The following CPA6 variants were observed in gnomAD, a reference collection of about 807,000 sequenced individuals.
CPA6 encodes the protein carboxypeptidase B.
A neutral mutation model predicts 63.3 loss-of-function variants in CPA6; 58 were observed. The ratio of observed to expected loss-of-function variants is 0.92; its 90% confidence interval spans 0.74 to 1.14. The LOEUF is 1.14. CPA6 is among the 50% of genes most tolerant of loss of function. The probability of loss-of-function intolerance (pLI) is 0.00; values close to 1 mark genes in which losing one functional copy is unlikely to be tolerated. For synonymous variants in CPA6, 185 were observed against 179.0 expected (o/e 1.03, Z -0.27); for missense variants, 565 against 526.6 (o/e 1.07, Z -0.71).
intron 1 of CPA6, among the ~76,000 whole-genome samples, chr8:67,711,466 T>C (rs1019283208): frequency 1.3e-5 from 2 of 152,184 alleles, no homozygotes; most frequent in African/African-American, 4.8e-5. Flanking sequence ...AGGGCCCTAT[T>C]TGGGCTGGTG....
intron 1 of CPA6, among the ~76,000 whole-genome samples, chr8:67,666,947 A>G (rs1387204763): frequency 1.3e-5 from 2 of 152,170 alleles, no homozygotes; most frequent in African/African-American, 4.8e-5. Flanking sequence ...AAAACCTGCT[A>G]TGCACAAGGT....
At chr8:67,741,069 G>GA (rs1350391352) in intron 1 of CPA6, among the ~76,000 whole-genome samples, 3 of 151,980 alleles carry the variant, frequency 2.0e-5, no homozygotes, top group East Asian at 3.9e-4. Context: ...ATGGTCATGG[G>GA]AAAAAAGGAT....
At chr8:67,562,595 A>G (rs1263331825) in intron 2 of CPA6, among the ~76,000 whole-genome samples, 2 of 152,202 alleles carry the variant, frequency 1.3e-5, no homozygotes, top group African/African-American at 4.8e-5. Flanking sequence ...TGATGGTATT[A>G]GGAGGTGAGG....
chr8:67,573,105 T>A (rs559314810), intron 2 of CPA6, among the ~76,000 whole-genome samples: 4 of 152,258 alleles, frequency 2.6e-5, no homozygotes, highest in Admixed American at 2.6e-4. Context: ...ACAAATTAGG[T>A]ATAGATAAAA....
chr8:67,665,912 T>A (rs892577735), intron 1 of CPA6, among the ~76,000 whole-genome samples: 4 of 152,234 alleles, frequency 2.6e-5, no homozygotes, highest in African/African-American at 9.6e-5. Flanking sequence ...AAAGGTTTAG[T>A]GCAGTTCCTG....
At chr8:67,702,198 G>A (rs1817040036) in intron 1 of CPA6, among the ~76,000 whole-genome samples, 1 of 151,966 alleles carries the variant, frequency 6.6e-6, no homozygotes, top group Admixed American at 6.5e-5. Context: ...CTGCATGCAT[G>A]TTTGTTATCT....
chr8:67,723,808 C>T (rs1817548263), intron 1 of CPA6, among the ~76,000 whole-genome samples: 1 of 152,038 alleles, frequency 6.6e-6, no homozygotes, highest in South Asian at 2.1e-4. Flanking sequence ...GCAAAATCAG[C>T]AGGAAAACAA....
chr8:67,444,956 A>G (rs552969612), intron 8 of CPA6, among the ~76,000 whole-genome samples: 23 of 152,160 alleles, frequency 1.5e-4, no homozygotes, highest in Non-Finnish European at 2.9e-4. Flanking sequence ...TTGATGTTTC[A>G]AGGAGAGTGT....
intron 2 of CPA6, among the ~76,000 whole-genome samples, chr8:67,594,912 A>G (rs1455300879): frequency 1.3e-5 from 2 of 152,102 alleles, no homozygotes; most frequent in African/African-American, 4.8e-5. Flanking sequence ...GCTTTGCTCC[A>G]TTGCTGGTGA....
chr8:67,459,095 T>C (rs62513764), intron 8 of CPA6, among the ~76,000 whole-genome samples: 3,492 of 152,354 alleles, frequency 0.023, 57 homozygotes, highest in Middle Eastern at 0.044. Context: ...CATGGACACA[T>C]GGATGTTTAC....
At chr8:67,588,367 T>C (rs550271767) in intron 2 of CPA6, among the ~76,000 whole-genome samples, 31 of 152,144 alleles carry the variant, frequency 2.0e-4, no homozygotes, top group Non-Finnish European at 4.1e-4. Flanking sequence ...GGCCTAGAAT[T>C]ATTGGGGTAA....
intron 1 of CPA6, among the ~76,000 whole-genome samples, chr8:67,723,512 G>T (rs754101917): frequency 1.3e-5 from 2 of 152,122 alleles, no homozygotes; most frequent in African/African-American, 2.4e-5. Flanking sequence ...TTTCCGAAGA[G>T]GTTATAACAA....
chr8:67,706,249 A>G (rs1031509135), intron 1 of CPA6, among the ~76,000 whole-genome samples: 1 of 152,264 alleles, frequency 6.6e-6, no homozygotes, highest in Non-Finnish European at 1.5e-5. Flanking sequence ...GACTGTGGAC[A>G]TACACAGTTT....
intron 8 of CPA6, among the ~76,000 whole-genome samples, chr8:67,451,938 T>C (rs1810566008): frequency 1.3e-5 from 2 of 152,238 alleles, no homozygotes; most frequent in Admixed American, 1.3e-4. Context: ...TCTTTGTATA[T>C]GGGCAATAAG....
chr8:67,462,907 G>A (rs1292755517), intron 8 of CPA6, among the ~76,000 whole-genome samples: 1 of 152,136 alleles, frequency 6.6e-6, no homozygotes, highest in African/African-American at 2.4e-5. Context: ...TTTGTAGAAT[G>A]ACTCCTGTGG....
intron 1 of CPA6, among the ~76,000 whole-genome samples, chr8:67,675,232 A>G (rs1247878963): frequency 6.6e-6 from 1 of 152,122 alleles, no homozygotes; most frequent in African/African-American, 2.4e-5. Flanking sequence ...ATACAACCAT[A>G]GCAGTACTGG....
chr8:67,609,534 T>A (rs1425779548), intron 2 of CPA6, among the ~76,000 whole-genome samples: 1 of 152,228 alleles, frequency 6.6e-6, no homozygotes, highest in Non-Finnish European at 1.5e-5. Flanking sequence ...TGACCAACCT[T>A]GTCCAAGTGG....
At chr8:67,710,027 C>A (rs184141593) in intron 1 of CPA6, among the ~76,000 whole-genome samples, 1 of 151,808 alleles carries the variant, frequency 6.6e-6, no homozygotes, top group Admixed American at 6.6e-5. Flanking sequence ...GAAGAAGAAT[C>A]GCTTGAACCC....
intron 8 of CPA6, among the ~76,000 whole-genome samples, chr8:67,450,824 C>T (rs1810541547): frequency 6.6e-6 from 1 of 152,206 alleles, no homozygotes; most frequent in African/African-American, 2.4e-5. Flanking sequence ...TATAACATCC[C>T]ATACTAGCTC....
Sources: gnomAD v4.1 joint callset for allele counts (sites outside exome capture counted in the v4.1 genomes callset) on GRCh38, gnomAD v4.1.1 for gene constraint, MANE v1.5 for transcripts, NCBI Gene and HGNC (gene_info 2026-07-23, HGNC 2026-07-21) for gene names.